The following TSPAN18 variants were observed in gnomAD, a reference collection of about 807,000 sequenced individuals.
TSPAN18 encodes the protein tetraspanin-18.
TSPAN18 carries 14 observed loss-of-function variants against 27.3 expected under a neutral mutation model. The observed-to-expected ratio is 0.51, with a 90% CI of 0.34 to 0.80. The LOEUF (loss-of-function observed/expected upper bound fraction) is 0.80. Ranked by LOEUF, TSPAN18 falls within the 30% of genes least tolerant of loss-of-function variation. TSPAN18 has a pLI of 0.01. For synonymous variants in TSPAN18, 143 were observed against 136.5 expected (o/e 1.05, Z -0.33); for missense variants, 268 against 323.9 (o/e 0.83, Z 1.32).
chr11:44,903,275 G>A (rs1859331701), intron 3 of TSPAN18: 1 of 378,946 alleles, frequency 2.6e-6, no homozygotes, highest in African/African-American at 2.1e-5. Flanking sequence ...GGAATTAAGT[G>A]GGACTGGCAT....
intron 2 of TSPAN18, among the ~76,000 whole-genome samples, chr11:44,846,493 A>G (rs1226045389): frequency 6.6e-6 from 1 of 152,192 alleles, no homozygotes; most frequent in African/African-American, 2.4e-5. Context: ...TCATGGGGAC[A>G]CCTCAGGGAT....
chr11:44,919,448 G>A (rs534277947), intron 7 of TSPAN18, 136 bp downstream of exon 7: 9 of 780,372 alleles, frequency 1.2e-5, no homozygotes, highest in South Asian at 3.1e-5. Context: ...CACCATCCAC[G>A]CAGCATTCCA....
intron 3 of TSPAN18, among the ~76,000 whole-genome samples, chr11:44,880,973 G>T (rs748516612): frequency 2.8e-4 from 42 of 152,250 alleles, no homozygotes; most frequent in Non-Finnish European, 5.3e-4. Flanking sequence ...CCGTCCTCCT[G>T]TAGCAGGCGT....
At chr11:44,793,720 T>C (rs1370424845) in intron 2 of TSPAN18, among the ~76,000 whole-genome samples, 2 of 152,228 alleles carry the variant, frequency 1.3e-5, no homozygotes, top group African/African-American at 2.4e-5. Context: ...CCTGGAATGA[T>C]GAAAGCAGAC....
chr11:44,929,292 C>A lies in TSPAN18; in HGVS notation c.*114C>A. 1 of 1,308,314 alleles carries A rather than the reference C, an allele frequency of 7.6e-7. No individual in the cohort carries two copies. The highest frequency in any genetic ancestry group is 1.1e-6 in the Non-Finnish European group (1 of 928,756). The allele number at this position is 1,308,314 out of a possible 1,614,324, so 81.0% of individuals were successfully genotyped here. A position where few individuals can be genotyped will look rare whatever the true frequency, so the allele number is the denominator to read the frequency against. On this transcript the variant is annotated 3_prime_UTR_variant, in exon 10 of 10. Coordinates refer to ENST00000520358, the MANE Select transcript of TSPAN18 (RefSeq NM_130783.5). ...GCCCCAGGGGAGAAGATGAGGCCAT[C>A]AGAGATGGCCAGGAGAAGGGCCAGG...
chr11:44,845,245 G>A (rs1857456338), intron 2 of TSPAN18, among the ~76,000 whole-genome samples: 1 of 152,238 alleles, frequency 6.6e-6, no homozygotes, highest in Non-Finnish European at 1.5e-5. Context: ...AATATGGGGT[G>A]AAATCATAGA....
At chr11:44,785,476 T>TC (rs1282461874) in intron 2 of TSPAN18, among the ~76,000 whole-genome samples, 1 of 151,882 alleles carries the variant, frequency 6.6e-6, no homozygotes, top group African/African-American at 2.4e-5. Context: ...GAGGTGTTTT[T>TC]CCCCCCTCGT....
chr11:44,864,684 A>G, intron 3 of TSPAN18, among the ~76,000 whole-genome samples: 1 of 152,230 alleles, frequency 6.6e-6, no homozygotes, highest in East Asian at 1.9e-4. Context: ...GTCCCAGTTC[A>G]GCATCAGGAA....
intron 2 of TSPAN18, among the ~76,000 whole-genome samples, chr11:44,827,703 A>G (rs987918212): frequency 1.3e-5 from 2 of 152,228 alleles, no homozygotes; most frequent in Non-Finnish European, 2.9e-5. Context: ...ACCTGTTCCC[A>G]CTACAAAAGA....
At chr11:44,809,027 C>T (rs1173807440) in intron 2 of TSPAN18, among the ~76,000 whole-genome samples, 1 of 152,190 alleles carries the variant, frequency 6.6e-6, no homozygotes, top group Non-Finnish European at 1.5e-5. Flanking sequence ...TTGTTCTAAA[C>T]ACTTCTCATG....
At chr11:44,867,297 G>A (rs1858063367) in intron 3 of TSPAN18, among the ~76,000 whole-genome samples, 1 of 151,138 alleles carries the variant, frequency 6.6e-6, no homozygotes, top group African/African-American at 2.4e-5. Flanking sequence ...GCAGGCAGTG[G>A]TCTGTCTAAT....
intron 1 of TSPAN18, among the ~76,000 whole-genome samples, chr11:44,753,405 C>T (rs973589319): frequency 5.9e-5 from 9 of 152,154 alleles, no homozygotes; most frequent in Admixed American, 3.9e-4. Context: ...GCTGGGATTA[C>T]AGGCGTTTGA....
rs576314251 is a variant in TSPAN18 at position 44,804,025 on chromosome 11, T to A, written c.-153+39513T>A. 7.9e-5 allele frequency among the ~76,000 whole-genome samples: 12 copies of A among 152,332 alleles called. No individual in the cohort carries two copies. The South Asian group carries it at 2.1e-3, about 26-fold the overall frequency. On this transcript the variant is annotated intron_variant, in intron 2 of 9. Transcript: ENST00000520358. ...GCTCACTGAGCCTGCCTGTGCTGTT[T>A]ATCAGACTACATTGCTGTTCATCAT...
intron 3 of TSPAN18, among the ~76,000 whole-genome samples, chr11:44,866,798 C>T (rs1181566635): frequency 6.6e-6 from 1 of 152,240 alleles, no homozygotes; most frequent in African/African-American, 2.4e-5. Context: ...AGCTGTCTTC[C>T]TAGACCCAGC....
chr11:44,884,265 G>T (rs770185286), intron 3 of TSPAN18, among the ~76,000 whole-genome samples: 17 of 152,170 alleles, frequency 1.1e-4, no homozygotes, highest in African/African-American at 4.1e-4. Context: ...TATGGCCCCA[G>T]AGACGGGGCC....
chr11:44,906,351 G>A (rs752941915), intron 3 of TSPAN18, 56 bp from the exon 4 acceptor site: 7 of 1,545,058 alleles, frequency 4.5e-6, no homozygotes, highest in Non-Finnish European at 4.5e-6. Context: ...AGGGGCTGGG[G>A]TTCTTCCTGG....
intron 2 of TSPAN18, among the ~76,000 whole-genome samples, chr11:44,780,919 T>C (rs182164196): frequency 3.1e-4 from 47 of 152,318 alleles, no homozygotes; most frequent in Non-Finnish European, 5.3e-4. Context: ...TGGGAAACAG[T>C]TTTGAATTCC....
At chr11:44,923,451 C>T (rs1565016739) in intron 8 of TSPAN18, among the ~76,000 whole-genome samples, 1 of 152,082 alleles carries the variant, frequency 6.6e-6, no homozygotes. Flanking sequence ...CAGGGGAAAC[C>T]GTCACGGGGT....
rs186379694 is a variant in TSPAN18, at chr11:44,762,882, C to T, written c.-239-1544C>T. Among the ~76,000 whole-genome samples the T allele has an allele frequency of 1.5e-3, 231 of 152,238 alleles. 2 individuals are homozygous for T. Among genetic ancestry groups the T allele is most frequent in the African/African-American group, 5.2e-3 (217 of 41,526 alleles). Reference sequence around the variant, plus strand: ...ATGCTGGGGTCTGTGGGGTAGACCTCGAACTCATCACCTTCCTGCTTACAT... The same window carrying T: ...ATGCTGGGGTCTGTGGGGTAGACCTTGAACTCATCACCTTCCTGCTTACAT... On this transcript the variant is annotated intron_variant, in intron 1 of 9. Coordinates refer to ENST00000520358, the MANE Select transcript of TSPAN18 (RefSeq NM_130783.5).
Sources: gnomAD v4.1 joint callset for allele counts (sites outside exome capture counted in the v4.1 genomes callset) on GRCh38, gnomAD v4.1.1 for gene constraint, MANE v1.5 for transcripts, NCBI Gene and HGNC (gene_info 2026-07-23, HGNC 2026-07-21) for gene names.